Variants in PLEKHG5 observed in about 807,000 individuals in gnomAD.
PLEKHG5 encodes pleckstrin homology and RhoGEF domain containing G5.
PLEKHG5 carries 52 observed loss-of-function variants against 103.8 expected under a neutral mutation model. That is an observed-to-expected ratio of 0.50 (90% CI 0.40 to 0.63). The LOEUF (loss-of-function observed/expected upper bound fraction) is 0.63. PLEKHG5 is among the 30% of genes least tolerant of loss of function. The pLI is 0.00. For missense variants in PLEKHG5, 1,205 were observed against 1,347.6 expected, an observed-to-expected ratio of 0.89 and a Z score of 1.66; for synonymous variants, 592 against 575.5, an observed-to-expected ratio of 1.03 and a Z score of -0.41.
upstream of PLEKHG5, among the ~76,000 whole-genome samples, chr1:6,495,702 T>C (rs1256672153): frequency 2.0e-5 from 3 of 152,190 alleles, no homozygotes; most frequent in Non-Finnish European, 4.4e-5. Context: ...GTCATGTAAA[T>C]GCATGCTGGG....
upstream of PLEKHG5, among the ~76,000 whole-genome samples, chr1:6,499,192 C>T (rs1645268441): frequency 6.6e-6 from 1 of 152,194 alleles, no homozygotes; most frequent in Non-Finnish European, 1.5e-5. Context: ...GGATTGTAGC[C>T]CCGTATTCTG....
chr1:6,473,431 G>C lies in PLEKHG5; in HGVS notation c.615C>G (p.Asn205Lys), dbSNP rs2148589091. The C allele has an allele frequency of 5.2e-6, 8 of 1,538,244 alleles. No homozygotes were observed. The highest frequency in any genetic ancestry group is 7.0e-6 in the Non-Finnish European group (8 of 1,141,354). Residue 205 changes from asparagine to lysine, a missense_variant, in exon 8 of 21, where the codon AAC becomes AAG. Coordinates refer to ENST00000377728, the MANE Select transcript of PLEKHG5 (RefSeq NM_020631.6). ...DILAPGRRRK[N>K]MSEFLGEASI... is the part of the protein sequence containing the mutation. ...TCGCCTCCCCCAGGAACTCCGACAT[G>C]TTCTTGCGGCGGCGGCCAGGGGCCT...
chr1:6,483,839 C>T (rs1013557153), intron 1 of PLEKHG5, among the ~76,000 whole-genome samples: 2 of 152,240 alleles, frequency 1.3e-5, no homozygotes, highest in Non-Finnish European at 2.9e-5. Context: ...GGGCCCTGCC[C>T]CACCTTGTCC....
chr1:6,501,327 G>A (rs147753174), upstream of PLEKHG5, among the ~76,000 whole-genome samples: 215 of 152,148 alleles, frequency 1.4e-3, 1 homozygote, highest in African/African-American at 4.7e-3. The surrounding 1 kb of genome is among the most constrained non-coding windows in gnomAD (Gnocchi z 4.3). Flanking sequence ...TCCTCCCATC[G>A]CTGTCTGCTG....
At chr1:6,470,692 G>A (rs756006279) in intron 14 of PLEKHG5, 43 bp downstream of exon 14, 10 of 1,552,906 alleles carry the variant, frequency 6.4e-6, no homozygotes, top group Middle Eastern at 3.3e-4. Context: ...ACGGAGCAGA[G>A]AGCCGCGCAG....
chr1:6,476,038 T>C lies in PLEKHG5; in HGVS notation c.44-2A>G. 1 of 1,612,702 alleles carries C rather than the reference T, an allele frequency of 6.2e-7. No homozygotes were observed. Among genetic ancestry groups the C allele is most frequent in the Non-Finnish European group, 8.5e-7 (1 of 1,179,764 alleles). ...ACACGTTCCGGGCCAGCACAGAGCC[T>C]TGGGAGAAAGCAGGAGAGGGTTGTG... On this transcript the variant is annotated splice_acceptor_variant, in intron 2 of 20. Coordinates refer to ENST00000377728, the MANE Select transcript of PLEKHG5 (RefSeq NM_020631.6). LOFTEE classifies it high-confidence loss of function.
At chr1:6,473,638 C>T (rs112617932) in intron 7 of PLEKHG5, among the ~76,000 whole-genome samples, 184 bp from the exon 8 acceptor site, 73 of 152,262 alleles carry the variant, frequency 4.8e-4, no homozygotes, top group African/African-American at 1.1e-3. Flanking sequence ...GACACAGATA[C>T]GCCCAGACTA....
chr1:6,467,257 C>T lies in PLEKHG5; in HGVS notation c.*306G>A. The T allele has an allele frequency of 1.8e-6, 1 of 549,888 alleles. No individual in the cohort carries two copies. The highest frequency in any genetic ancestry group is 3.3e-6 in the Non-Finnish European group (1 of 301,954). 34.1% of individuals were successfully genotyped at this position (549,888 alleles called of 1,614,324 possible). A position where few individuals can be genotyped will look rare whatever the true frequency, so the allele number is the denominator to read the frequency against. On this transcript the variant is annotated 3_prime_UTR_variant, in exon 21 of 21. Transcript: ENST00000377728. Reference sequence around the variant, plus strand: ...GGCAGGAGTGAATCCCACTGGAGGCCAGTGAGGGTAGAAGTAGGATGGGCA... The same window carrying T: ...GGCAGGAGTGAATCCCACTGGAGGCTAGTGAGGGTAGAAGTAGGATGGGCA...
In PLEKHG5 at chr1:6,484,081, ACCCTTCCAGT is replaced by A. The variant is rs1300353647; in HGVS notation, c.-87-6433_-87-6424del. Among the ~76,000 whole-genome samples the A allele has an allele frequency of 2.6e-5, 4 of 152,092 alleles. No homozygotes were observed. In the East Asian group the frequency reaches 7.7e-4, roughly 29 times the overall value. On this transcript the variant is annotated intron_variant, in intron 1 of 20. Coordinates refer to ENST00000377728, the MANE Select transcript of PLEKHG5 (RefSeq NM_020631.6). ...GAGGAGTTCTGGGAGGGTCTCTGGG[ACCCTTCCAGT>A]CCAAGTCTGACTCTGTGCCACCATC...
intron 3 of PLEKHG5, 108 bp downstream of exon 3, chr1:6,475,823 T>G (rs1644751137): frequency 8.2e-6 from 8 of 976,048 alleles, no homozygotes; most frequent in Non-Finnish European, 1.3e-5. Context: ...GGTCTGCCCA[T>G]CAGCCTTACT....
At chr1:6,485,587 G>T in intron 1 of PLEKHG5, 2 of 788,302 alleles carry the variant, frequency 2.5e-6, no homozygotes, top group Non-Finnish European at 3.3e-6. Flanking sequence ...CAGCCCCCCA[G>T]GAAGGCGGAC....
chr1:6,501,772 G>T lies in PLEKHG5; in HGVS notation c.-164-5203C>A, dbSNP rs962696616. Among the ~76,000 whole-genome samples, 3 of 152,198 alleles carry T rather than the reference G, an allele frequency of 2.0e-5. No homozygotes were observed. Among genetic ancestry groups the T allele is most frequent in the African/African-American group, 7.2e-5 (3 of 41,438 alleles). On this transcript the variant is annotated intron_variant, in intron 1 of 21. Coordinates refer to the PLEKHG5 transcript ENST00000377740. This position sits in a 1 kb window ranked among gnomAD's most constrained non-coding sequence, Gnocchi z 4.3. ...GCTCCCATGGGGCCTGACACAATTA[G>T]CTGTCTGGAAAACGTGAATTGGTCC...
chr1:6,519,410 C>T lies in PLEKHG5; in HGVS notation c.-165+35G>A, dbSNP rs1357049530. Reference sequence around the variant, plus strand: ...CCTTTCACTCTGTGTCCTCAAACCTCCTTTCTAGACAAAAGAGATAGAAAA... The same window carrying T: ...CCTTTCACTCTGTGTCCTCAAACCTTCTTTCTAGACAAAAGAGATAGAAAA... On this transcript the variant is annotated intron_variant, in intron 1 of 21. Transcript: ENST00000377740. The T allele has an allele frequency of 1.7e-5, 27 of 1,554,944 alleles. No homozygotes were observed. In the South Asian group the frequency reaches 2.6e-4, roughly 15 times the overall value.
chr1:6,497,272 C>T (rs767935977), upstream of PLEKHG5: 20 of 897,004 alleles, frequency 2.2e-5, no homozygotes, highest in East Asian at 2.0e-4. The surrounding 1 kb of genome is among the most constrained non-coding windows in gnomAD (Gnocchi z 6.1). Context: ...GCCGGCCCGG[C>T]CCCCCAGGAC....
At position 6,475,113 on chromosome 1, in the gene PLEKHG5, A is replaced by G; in HGVS notation, c.236T>C (p.Leu79Pro). ...AATGTCCACATTCAGGTCAAATTTC[A>G]GAGTGAAGCATTCCTTGCTTGGGTC... ...TDDPSKECFT[L>P]KFDLNVDIET... is the part of the protein sequence containing the mutation. The change falls in exon 5 of 21, where the codon CTG becomes CCG. Residue 79 changes from leucine to proline, a missense_variant. Transcript: ENST00000377728. 6.2e-7 allele frequency: 1 copy of G among 1,609,072 alleles called. No individual in the cohort carries two copies. The highest frequency in any genetic ancestry group is 8.5e-7 in the Non-Finnish European group (1 of 1,175,468).
chr1:6,496,848 A>G (rs1645232429), upstream of PLEKHG5: 1 of 641,574 alleles, frequency 1.6e-6, no homozygotes, highest in African/African-American at 1.9e-5. Flanking sequence ...AGTCTGGGGG[A>G]CAAGTGGGGG....
chr1:6,467,836 C>G lies in PLEKHG5; in HGVS notation c.3000G>C (p.Thr1000=). 1.9e-6 allele frequency: 3 copies of G among 1,613,244 alleles called. No individual in the cohort carries two copies. Among genetic ancestry groups the G allele is most frequent in the Non-Finnish European group, 2.5e-6 (3 of 1,179,890 alleles). Reference sequence around the variant, plus strand: ...TCCAGGCCACTCACGAGGCAGTGAGCGTGGAGTTAAGCAGCAGGGTGGTCC... The same window carrying G: ...TCCAGGCCACTCACGAGGCAGTGAGGGTGGAGTTAAGCAGCAGGGTGGTCC... The part of the protein sequence containing the change: ...RIRTTLLLNS[T]LTASEV Residue 1000 remains threonine, a synonymous_variant, in exon 20 of 21, where the codon ACG becomes ACC. Transcript: ENST00000377728.
At chr1:6,472,377 C>T (rs1644617258) in intron 10 of PLEKHG5, 150 bp downstream of exon 10, 1 of 688,770 alleles carries the variant, frequency 1.5e-6, no homozygotes, top group Non-Finnish European at 2.6e-6. Context: ...CTAGGAGGCA[C>T]CTCCTCCCTG....
chr1:6,504,138 C>T (rs1292640679), intron 1 of PLEKHG5, among the ~76,000 whole-genome samples: 2 of 152,156 alleles, frequency 1.3e-5, no homozygotes, highest in East Asian at 3.8e-4. Context: ...CCTGTAGCAC[C>T]GTACCTGCCT....
Sources: gnomAD v4.1 joint callset for allele counts (sites outside exome capture counted in the v4.1 genomes callset) on GRCh38, gnomAD v4.1.1 for gene constraint, Gnocchi (gnomAD v3.1) non-coding constraint, MANE v1.5 for transcripts, NCBI Gene and HGNC (gene_info 2026-07-23, HGNC 2026-07-21) for gene names.